The following MDFIC2 variants were observed in gnomAD, a reference collection of about 807,000 sequenced individuals.
The protein encoded by MDFIC2 is myoD family inhibitor domain-containing protein 2.
At chr3:70,219,160 TCTAAAACAC>T (rs1322499177) in intron 2 of MDFIC2, among the ~76,000 whole-genome samples, 1 of 152,196 alleles carries the variant, frequency 6.6e-6, no homozygotes, top group Non-Finnish European at 1.5e-5. Flanking sequence ...CTAGCTTTCT[TCTAAAACAC>T]CTTTAAAAAT....
chr3:70,222,835 A>T (rs544073036), intron 2 of MDFIC2, among the ~76,000 whole-genome samples: 4 of 152,304 alleles, frequency 2.6e-5, no homozygotes, highest in African/African-American at 9.6e-5. Flanking sequence ...TCATTAGAAG[A>T]TACTGCTGAT....
chr3:70,289,724 C>G (rs1445121567), intron 2 of MDFIC2, among the ~76,000 whole-genome samples: 1 of 152,212 alleles, frequency 6.6e-6, no homozygotes, highest in Non-Finnish European at 1.5e-5. Context: ...GGTCTTTTCA[C>G]ATAGTCCCAT....
chr3:70,308,650 C>A (rs73104655), intron 2 of MDFIC2, among the ~76,000 whole-genome samples: 1 of 152,072 alleles, frequency 6.6e-6, no homozygotes, highest in South Asian at 2.1e-4. Flanking sequence ...TAATAAGGTC[C>A]TTGAGTGCAG....
intron 2 of MDFIC2, among the ~76,000 whole-genome samples, chr3:70,299,965 A>G (rs1702331546): frequency 6.6e-6 from 1 of 152,086 alleles, no homozygotes; most frequent in Non-Finnish European, 1.5e-5. Context: ...TCGTTCTCTG[A>G]AAAGAACATA....
At chr3:70,237,187 G>A (rs1329463728) in intron 2 of MDFIC2, among the ~76,000 whole-genome samples, 1 of 152,158 alleles carries the variant, frequency 6.6e-6, no homozygotes, top group Non-Finnish European at 1.5e-5. Flanking sequence ...TTATTAATGG[G>A]AAGCTATATT....
chr3:70,283,271 T>C (rs1244604873), intron 2 of MDFIC2, among the ~76,000 whole-genome samples: 5 of 152,010 alleles, frequency 3.3e-5, no homozygotes, highest in Admixed American at 2.6e-4. Context: ...AGTCCTCTGA[T>C]TGATTGCTTT....
At chr3:70,309,052 G>T (rs77726018) in intron 2 of MDFIC2, among the ~76,000 whole-genome samples, 11,985 of 152,202 alleles carry the variant, frequency 0.079, 566 homozygotes, top group South Asian at 0.13. Context: ...ACAACTGAAA[G>T]TATCTGTATT....
chr3:70,269,571 G>C (rs1196539353), intron 2 of MDFIC2, among the ~76,000 whole-genome samples: 2 of 152,058 alleles, frequency 1.3e-5, no homozygotes, highest in African/African-American at 2.4e-5. Context: ...GAGTCTCTCT[G>C]AACCAATTTT....
intron 2 of MDFIC2, among the ~76,000 whole-genome samples, 158 bp from the exon 3 acceptor site, chr3:70,206,948 A>G (rs1480035868): frequency 6.6e-6 from 1 of 152,100 alleles, no homozygotes; most frequent in African/African-American, 2.4e-5. Flanking sequence ...GAATAAAAAT[A>G]TGAGAAAGAA....
chr3:70,281,538 A>T (rs1255233947), intron 2 of MDFIC2, among the ~76,000 whole-genome samples: 1 of 152,198 alleles, frequency 6.6e-6, no homozygotes. Context: ...AAATGAGATC[A>T]TATAAGTGTC....
intron 2 of MDFIC2, among the ~76,000 whole-genome samples, chr3:70,221,513 C>T (rs916560139): frequency 6.6e-6 from 1 of 151,984 alleles, no homozygotes; most frequent in Non-Finnish European, 1.5e-5. Flanking sequence ...GCAGGAGATA[C>T]AAAGATGAAT....
intron 2 of MDFIC2, among the ~76,000 whole-genome samples, chr3:70,252,808 G>A (rs1399670550): frequency 1.3e-5 from 2 of 152,088 alleles, no homozygotes; most frequent in South Asian, 2.1e-4. Context: ...GGCCAGGCGC[G>A]GTGGCTCATG....
chr3:70,240,390 G>T (rs548263518), intron 2 of MDFIC2, among the ~76,000 whole-genome samples: 1 of 151,764 alleles, frequency 6.6e-6, no homozygotes, highest in Non-Finnish European at 1.5e-5. Flanking sequence ...GAGCTATGTG[G>T]TTTTTTGTCT....
chr3:70,259,341 G>A (rs1205276913), intron 2 of MDFIC2, among the ~76,000 whole-genome samples: 2 of 151,952 alleles, frequency 1.3e-5, no homozygotes, highest in African/African-American at 4.8e-5. Flanking sequence ...GCTCTTTAGA[G>A]GATCTAAAGT....
intron 3 of MDFIC2, among the ~76,000 whole-genome samples, chr3:70,197,569 G>A (rs1701194411): frequency 6.6e-6 from 1 of 152,216 alleles, no homozygotes; most frequent in Non-Finnish European, 1.5e-5. Context: ...GGCTTAAGAA[G>A]CAGTTAGGAT....
chr3:70,286,041 G>C (rs1702159590), intron 2 of MDFIC2, among the ~76,000 whole-genome samples: 1 of 151,968 alleles, frequency 6.6e-6, no homozygotes, highest in African/African-American at 2.4e-5. Flanking sequence ...TTCTTTTGCT[G>C]TGCAGAAGCT....
At chr3:70,267,174 G>A (rs1294465977) in intron 2 of MDFIC2, among the ~76,000 whole-genome samples, 1 of 152,046 alleles carries the variant, frequency 6.6e-6, no homozygotes, top group Non-Finnish European at 1.5e-5. Flanking sequence ...TGATTATGTA[G>A]GGATTTTATA....
chr3:70,300,125 G>A (rs895986587), intron 2 of MDFIC2, among the ~76,000 whole-genome samples: 17 of 151,894 alleles, frequency 1.1e-4, no homozygotes, highest in African/African-American at 2.4e-4. Flanking sequence ...CCTCTGAATC[G>A]CATATCTTCT....
intron 2 of MDFIC2, among the ~76,000 whole-genome samples, chr3:70,213,926 T>C (rs7432941): frequency 0.42 from 64,206 of 151,898 alleles, 14,637 homozygotes; most frequent in Non-Finnish European, 0.51. Flanking sequence ...GAGGAAGATT[T>C]CTTGACATTG....
Sources: gnomAD v4.1 joint callset for allele counts (sites outside exome capture counted in the v4.1 genomes callset) on GRCh38, gnomAD v4.1.1 for gene constraint, MANE v1.5 for transcripts, NCBI Gene and HGNC (gene_info 2026-07-23, HGNC 2026-07-21) for gene names.